Variants in PLS1 observed in about 807,000 individuals in gnomAD.
PLS1 encodes plastin-1.
Under a neutral mutation model 73.7 loss-of-function variants are expected in PLS1, and 32 were observed. The ratio of observed to expected loss-of-function variants is 0.43; its 90% CI spans 0.33 to 0.58. The LOEUF (loss-of-function observed/expected upper bound fraction) is 0.58, where lower values mean the gene tolerates loss of function less well. Among genes scored for constraint, PLS1 ranks in the 20% least tolerant of loss-of-function variants. PLS1 has a pLI of 0.04. For missense variants in PLS1, 633 were observed against 740.5 expected (o/e 0.85, Z 1.68); for synonymous variants, 217 against 261.3 (o/e 0.83, Z 1.63).
At chr3:142,675,441 G>A (rs920081649) in intron 4 of PLS1, among the ~76,000 whole-genome samples, 3 of 151,922 alleles carry the variant, frequency 2.0e-5, no homozygotes, top group Non-Finnish European at 2.9e-5. Context: ...GGAGTGCAGT[G>A]GCGCGATCTC....
chr3:142,599,293 C>T (rs1026154926), intron 1 of PLS1, among the ~76,000 whole-genome samples: 2 of 150,448 alleles, frequency 1.3e-5, no homozygotes, highest in Non-Finnish European at 3.0e-5. Context: ...AGACTATCCC[C>T]TAATTGTATA....
At chr3:142,632,942 G>T (rs947503650) in intron 1 of PLS1, among the ~76,000 whole-genome samples, 9 of 152,120 alleles carry the variant, frequency 5.9e-5, no homozygotes, top group African/African-American at 2.2e-4. Context: ...CATGTTCATT[G>T]CATCATTAGT....
intron 1 of PLS1, among the ~76,000 whole-genome samples, chr3:142,626,891 C>T (rs2036441631): frequency 6.6e-6 from 1 of 152,170 alleles, no homozygotes; most frequent in South Asian, 2.1e-4. Flanking sequence ...TGTAGAACAT[C>T]ACAAATGCTG....
chr3:142,610,076 C>T lies in PLS1; in HGVS notation c.-37+13567C>T, dbSNP rs560995373. ...TAGAGCTGGGGTTTCACCATGTTGGCCAAGCTGATCTCGAATTCCTGACCT... is the reference window on the plus strand; with the variant it reads ...TAGAGCTGGGGTTTCACCATGTTGGTCAAGCTGATCTCGAATTCCTGACCT... On this transcript the variant is annotated intron_variant, in intron 1 of 15. Transcript: ENST00000457734. 3.3e-5 allele frequency among the ~76,000 whole-genome samples: 5 copies of T among 152,258 alleles called. No individual in the cohort carries two copies. The South Asian group carries it at 8.3e-4, about 25-fold the overall frequency.
intron 1 of PLS1, among the ~76,000 whole-genome samples, chr3:142,640,888 C>A (rs74441671): frequency 0.026 from 4,000 of 151,912 alleles, 82 homozygotes; most frequent in Non-Finnish European, 0.044. Flanking sequence ...TTTTTTTCTT[C>A]CTCTCTTGTC....
Position 142,664,389 on chromosome 3 carries a change from A to G in PLS1, c.70+82A>G, listed in dbSNP as rs1312420832. The G allele has an allele frequency of 2.6e-5, 18 of 679,626 alleles. 1 individual carries two copies. The South Asian group carries it at 3.2e-4, about 12-fold the overall frequency. The allele number at this position is 679,626 out of a possible 1,614,324, so 42.1% of individuals were successfully genotyped here. A position where few individuals can be genotyped will look rare whatever the true frequency, so the allele number is the denominator to read the frequency against. ...GGAATGGAAAAATACCTTTTATTTC[A>G]TCTACCACCACCCAATTACCTCCAG... On this transcript the variant is annotated intron_variant, in intron 2 of 15. Transcript: ENST00000457734.
chr3:142,651,978 T>C (rs2037104220), intron 1 of PLS1, among the ~76,000 whole-genome samples: 1 of 152,154 alleles, frequency 6.6e-6, no homozygotes, highest in Non-Finnish European at 1.5e-5. Flanking sequence ...CTGGCCCTTG[T>C]AGGCTTAGAG....
chr3:142,690,747 C>T (rs1328585825), intron 10 of PLS1, among the ~76,000 whole-genome samples: 1 of 152,170 alleles, frequency 6.6e-6, no homozygotes, highest in Non-Finnish European at 1.5e-5. Flanking sequence ...TTGAAGCTTA[C>T]AGTATATGAA....
chr3:142,660,691 C>T (rs2037351685), intron 1 of PLS1, among the ~76,000 whole-genome samples: 1 of 152,076 alleles, frequency 6.6e-6, no homozygotes, highest in Non-Finnish European at 1.5e-5. Flanking sequence ...CTTGAAGATC[C>T]TTTTATATTT....
At chr3:142,672,668 G>C (rs1300490217) in intron 4 of PLS1, among the ~76,000 whole-genome samples, 2 of 152,038 alleles carry the variant, frequency 1.3e-5, no homozygotes, top group Non-Finnish European at 2.9e-5. Context: ...TAAGTATATG[G>C]CTTGATGATT....
chr3:142,662,857 A>G (rs2037400599), intron 1 of PLS1, among the ~76,000 whole-genome samples: 2 of 152,196 alleles, frequency 1.3e-5, no homozygotes, highest in African/African-American at 4.8e-5. Context: ...AAAAGGTTAT[A>G]ATATTGTATG....
intron 1 of PLS1, among the ~76,000 whole-genome samples, chr3:142,647,194 C>T (rs2036970383): frequency 6.6e-6 from 1 of 152,144 alleles, no homozygotes; most frequent in Non-Finnish European, 1.5e-5. Flanking sequence ...AGAGAAGTGA[C>T]ATTTTTTGAA....
At chr3:142,599,624 C>A (rs139212932) in intron 1 of PLS1, among the ~76,000 whole-genome samples, 2 of 152,154 alleles carry the variant, frequency 1.3e-5, no homozygotes, top group Non-Finnish European at 2.9e-5. Context: ...CCACCGCGCC[C>A]GGCCAGATAT....
intron 2 of PLS1, among the ~76,000 whole-genome samples, chr3:142,668,211 T>G (rs954491295): frequency 5.3e-5 from 8 of 152,288 alleles, no homozygotes; most frequent in Middle Eastern, 3.4e-3. Flanking sequence ...GCCTTTGTTC[T>G]GAGTCAAGAA....
At chr3:142,622,515 T>TA (rs533330283) in intron 1 of PLS1, among the ~76,000 whole-genome samples, 87 of 149,184 alleles carry the variant, frequency 5.8e-4, no homozygotes, top group African/African-American at 1.2e-3. Context: ...TGTATGTACT[T>TA]AAAAAAAAAA....
At chr3:142,598,932 C>T (rs963179785) in intron 1 of PLS1, among the ~76,000 whole-genome samples, 28 of 151,018 alleles carry the variant, frequency 1.9e-4, no homozygotes, top group Non-Finnish European at 2.9e-4. Flanking sequence ...ACCCGGGAGG[C>T]GGAGCTTGCA....
At chr3:142,672,661 G>GTA (rs1236949979) in intron 4 of PLS1, among the ~76,000 whole-genome samples, 2 of 152,058 alleles carry the variant, frequency 1.3e-5, no homozygotes. Context: ...CTATTCTTAA[G>GTA]TATATGGCTT....
At chr3:142,679,024 T>C (rs1163877794) in intron 6 of PLS1, among the ~76,000 whole-genome samples, 1 of 151,896 alleles carries the variant, frequency 6.6e-6, no homozygotes, top group Non-Finnish European at 1.5e-5. Context: ...TGATGGCCAG[T>C]GATGATGAGC....
chr3:142,608,710 G>A (rs1174056035), intron 1 of PLS1, among the ~76,000 whole-genome samples: 1 of 152,192 alleles, frequency 6.6e-6, no homozygotes, highest in Admixed American at 6.5e-5. Context: ...TTTACTGCCA[G>A]CCAAAGGAGA....
Sources: allele counts gnomAD v4.1 joint callset (sites outside exome capture counted in the v4.1 genomes callset), GRCh38; gene constraint gnomAD v4.1.1; transcripts MANE v1.5; gene names NCBI Gene and HGNC (gene_info 2026-07-23, HGNC 2026-07-21).